The following RBPJ variants were observed in gnomAD, a reference collection of about 807,000 sequenced individuals.
RBPJ encodes recombining binding protein suppressor of hairless.
In RBPJ, 9 loss-of-function variants were observed where a neutral mutation model predicts 67.8. The ratio of observed to expected loss-of-function variants is 0.13; its 90% CI spans 0.08 to 0.23. The LOEUF (loss-of-function observed/expected upper bound fraction) is 0.23. Among genes scored for constraint, RBPJ ranks in the 10% least tolerant of loss-of-function variants. The probability of loss-of-function intolerance (pLI) is 1.00; values close to 1 mark genes in which losing one functional copy is unlikely to be tolerated. For synonymous variants in RBPJ, 198 were observed against 203.3 expected, an observed-to-expected ratio of 0.97 and a Z score of 0.22; for missense variants, 305 against 595.6, an observed-to-expected ratio of 0.51 and a Z score of 5.08.
At chr4:26,132,134 C>T in the RBPJ span, among the ~76,000 whole-genome samples, 1 of 142,144 alleles carries the variant, frequency 7.0e-6, no homozygotes, top group South Asian at 2.2e-4. Flanking sequence ...GGGTGGCTGC[C>T]AAAAAAAAAA....
upstream of RBPJ, chr4:26,320,969 C>A (rs891701152): frequency 6.2e-7 from 1 of 1,610,934 alleles, no homozygotes; most frequent in East Asian, 2.2e-5. Context: ...GGAGAGGGAC[C>A]AGGGAAGGCG....
At chr4:26,327,049 A>G (rs1172240056) in intron 1 of RBPJ, among the ~76,000 whole-genome samples, 2 of 152,106 alleles carry the variant, frequency 1.3e-5, no homozygotes, top group African/African-American at 4.8e-5. Context: ...AGCTGTAACA[A>G]TGTAGGAATG....
intron 1 of RBPJ, among the ~76,000 whole-genome samples, chr4:26,339,488 G>T (rs762562326): frequency 2.6e-5 from 4 of 151,894 alleles, no homozygotes; most frequent in Non-Finnish European, 5.9e-5. Context: ...ACAAAAATTA[G>T]CTGGGTGTGG....
intron 1 of RBPJ, among the ~76,000 whole-genome samples, chr4:26,282,134 C>CTTTTT (rs758435674): frequency 1.7e-4 from 21 of 126,600 alleles, no homozygotes; most frequent in South Asian, 4.9e-4. Context: ...CTCTCTCTCT[C>CTTTTT]TCTTTTTTTT....
rs189373366 is a variant in RBPJ, at chr4:26,308,578, G to C, written c.-166-53868G>C. ...AGAGACAATGTACAACTTTGCTTTT[G>C]ATGTTCAAAGGGATTATTAGTCAGC... is the stretch of plus-strand genomic sequence containing the variant. On this transcript the variant is annotated intron_variant, in intron 1 of 4. Transcript: ENST00000512351. 6.6e-5 allele frequency among the ~76,000 whole-genome samples: 10 copies of C among 152,342 alleles called. No homozygotes were observed. The East Asian group carries it at 1.7e-3, about 26-fold the overall frequency.
chr4:26,287,771 C>T (rs924288384), intron 1 of RBPJ, among the ~76,000 whole-genome samples: 1 of 137,680 alleles, frequency 7.3e-6, no homozygotes, highest in African/African-American at 2.8e-5. Context: ...CAGAAGAACG[C>T]AGGCAGGCAG....
chr4:26,277,819 T>C (rs954170544), intron 1 of RBPJ, among the ~76,000 whole-genome samples: 3 of 152,202 alleles, frequency 2.0e-5, no homozygotes, highest in Non-Finnish European at 2.9e-5. Flanking sequence ...TTTGCAAGCA[T>C]GATTAGTGTT....
the RBPJ span, among the ~76,000 whole-genome samples, chr4:26,153,978 T>A: frequency 1.3e-5 from 2 of 152,180 alleles, no homozygotes; most frequent in Non-Finnish European, 2.9e-5. Flanking sequence ...TTGGAACATT[T>A]GAGATTTCAG....
chr4:26,332,600 T>C (rs997460306), intron 1 of RBPJ, among the ~76,000 whole-genome samples: 5 of 152,234 alleles, frequency 3.3e-5, no homozygotes, highest in Non-Finnish European at 7.3e-5. Flanking sequence ...AATAATCATC[T>C]TGATTATTTT....
At chr4:26,412,209 G>GAAGTGCT (rs1404958824) in intron 3 of RBPJ, among the ~76,000 whole-genome samples, 1 of 151,436 alleles carries the variant, frequency 6.6e-6, no homozygotes, top group Non-Finnish European at 1.5e-5. Flanking sequence ...CCAAAAATTC[G>GAAGTGCT]AAGTGCTCCA....
At chr4:26,338,915 G>A (rs527611417) in intron 1 of RBPJ, among the ~76,000 whole-genome samples, 140 of 151,694 alleles carry the variant, frequency 9.2e-4, no homozygotes, top group Admixed American at 2.9e-3. Flanking sequence ...ACTCTGTCTC[G>A]ATCTCAGCTC....
intron 1 of RBPJ, among the ~76,000 whole-genome samples, chr4:26,281,557 G>A (rs1284605653): frequency 6.6e-6 from 1 of 152,200 alleles, no homozygotes; most frequent in African/African-American, 2.4e-5. Flanking sequence ...TGGGATTATA[G>A]GCATGAGCCA....
At chr4:26,149,674 C>G in the RBPJ span, among the ~76,000 whole-genome samples, 3 of 152,228 alleles carry the variant, frequency 2.0e-5, no homozygotes, top group Non-Finnish European at 4.4e-5. Context: ...TGGGATGACA[C>G]AGCAAGAAGG....
At chr4:26,268,132 A>G (rs1560236681) in intron 1 of RBPJ, among the ~76,000 whole-genome samples, 1 of 151,870 alleles carries the variant, frequency 6.6e-6, no homozygotes, top group Non-Finnish European at 1.5e-5. Context: ...TGATTTCTAT[A>G]TGAAGGGAAG....
the RBPJ span, among the ~76,000 whole-genome samples, chr4:26,115,032 A>G: frequency 2.2e-4 from 34 of 152,182 alleles, no homozygotes; most frequent in African/African-American, 7.0e-4. Context: ...ATCCACATCT[A>G]CTGCTACTGC....
At chr4:26,390,724 A>C (rs1224160911) in intron 2 of RBPJ, among the ~76,000 whole-genome samples, 1 of 152,214 alleles carries the variant, frequency 6.6e-6, no homozygotes, top group African/African-American at 2.4e-5. Flanking sequence ...GAGAACTTGA[A>C]GTCCTAATTA....
intron 1 of RBPJ, among the ~76,000 whole-genome samples, chr4:26,203,508 G>A (rs895681938): frequency 2.0e-5 from 3 of 151,958 alleles, no homozygotes; most frequent in African/African-American, 4.8e-5. Context: ...ATTTATCTCT[G>A]TGCTGTCTGT....
At chr4:26,393,668 C>G (rs530897700) in intron 2 of RBPJ, among the ~76,000 whole-genome samples, 1 of 152,332 alleles carries the variant, frequency 6.6e-6, no homozygotes, top group South Asian at 2.1e-4. Context: ...AGCCACCACA[C>G]CCTGCCTTGA....
chr4:26,293,436 G>A (rs34106842), intron 1 of RBPJ, among the ~76,000 whole-genome samples: 1,792 of 149,882 alleles, frequency 0.012, 82 homozygotes, highest in African/African-American at 0.028. Flanking sequence ...GAGTTCAAGG[G>A]CAGCCTGGGC....
Sources: allele counts gnomAD v4.1 joint callset (sites outside exome capture counted in the v4.1 genomes callset), GRCh38; gene constraint gnomAD v4.1.1; transcripts MANE v1.5; gene names NCBI Gene and HGNC (gene_info 2026-07-23, HGNC 2026-07-21).